The following CPNE4 variants were observed in gnomAD, a reference collection of about 807,000 sequenced individuals.
CPNE4 encodes the protein copine-4.
A neutral mutation model predicts 67.9 loss-of-function variants in CPNE4; 25 were observed. That is an observed-to-expected ratio of 0.37 (90% CI 0.27 to 0.51). CPNE4 has a LOEUF of 0.51. Among genes scored for constraint, CPNE4 ranks in the 20% least tolerant of loss-of-function variants. CPNE4 has a pLI of 0.93. For synonymous variants in CPNE4, 242 were observed against 244.9 expected (o/e 0.99, Z 0.11); for missense variants, 464 against 690.8 (o/e 0.67, Z 3.68).
chr3:131,930,001 C>T (rs934509359), intron 1 of CPNE4, among the ~76,000 whole-genome samples: 4 of 152,120 alleles, frequency 2.6e-5, no homozygotes, highest in Non-Finnish European at 5.9e-5. Flanking sequence ...TACAAATGTA[C>T]TGTGGAGATT....
chr3:131,955,676 C>T (rs74978605), intron 1 of CPNE4, among the ~76,000 whole-genome samples: 4,803 of 152,020 alleles, frequency 0.032, 233 homozygotes, highest in African/African-American at 0.11. Flanking sequence ...CACTCCTGTC[C>T]CTCCGCAGTG....
chr3:131,542,556 C>T lies in CPNE4; in HGVS notation c.1539+1G>A, dbSNP rs1317096596. The T allele has an allele frequency of 3.1e-6, 5 of 1,608,022 alleles. No homozygotes were observed. Among genetic ancestry groups the T allele is most frequent in the East Asian group, 2.2e-5 (1 of 44,834 alleles). ...AAGTGCCCCAATGTGTATATGCATA[C>T]GTGTTTGAAGTTCCTGAAGGGCACG... On this transcript the variant is annotated splice_donor_variant, in intron 15 of 15. Coordinates refer to ENST00000429747, the MANE Select transcript of CPNE4 (RefSeq NM_130808.3). LOFTEE classifies it high-confidence loss of function.
chr3:131,554,348 T>C (rs1000334544), intron 12 of CPNE4, among the ~76,000 whole-genome samples: 2 of 152,152 alleles, frequency 1.3e-5, no homozygotes, highest in African/African-American at 2.4e-5. Context: ...ATTTTATATA[T>C]GCAATTGCTG....
At chr3:131,783,785 C>T (rs79949178) in intron 2 of CPNE4, among the ~76,000 whole-genome samples, 5,157 of 152,072 alleles carry the variant, frequency 0.034, 315 homozygotes, top group African/African-American at 0.12. Context: ...TGATGGAAAG[C>T]AAGCTAATGT....
intron 1 of CPNE4, among the ~76,000 whole-genome samples, 167 bp downstream of exon 1, chr3:132,034,400 A>G (rs771808571): frequency 3.8e-4 from 58 of 152,184 alleles, no homozygotes; most frequent in Non-Finnish European, 7.1e-4. Flanking sequence ...CAGATTAAAG[A>G]CGTTGCTTGC....
chr3:131,709,648 CT>C (rs2081510117), intron 3 of CPNE4, among the ~76,000 whole-genome samples: 1 of 152,238 alleles, frequency 6.6e-6, no homozygotes, highest in African/African-American at 2.4e-5. Flanking sequence ...TCATGCCTCC[CT>C]CATTAGAAAA....
chr3:132,018,906 T>A (rs944887150), intron 1 of CPNE4, among the ~76,000 whole-genome samples: 3 of 152,220 alleles, frequency 2.0e-5, no homozygotes, highest in Admixed American at 1.3e-4. Flanking sequence ...GTGATTCGAT[T>A]GCTACAGAAT....
chr3:131,683,009 G>A (rs1008662891), intron 6 of CPNE4, among the ~76,000 whole-genome samples: 3 of 152,080 alleles, frequency 2.0e-5, no homozygotes, highest in Non-Finnish European at 1.5e-5. Context: ...AATGCTCCCA[G>A]GCATAGGACT....
chr3:131,981,147 C>T (rs1280049257), intron 1 of CPNE4, among the ~76,000 whole-genome samples: 1 of 152,046 alleles, frequency 6.6e-6, no homozygotes, highest in Admixed American at 6.6e-5. Flanking sequence ...TGGTTCAATG[C>T]TTTATTTTTG....
chr3:131,748,852 C>T (rs1442628219), intron 2 of CPNE4, among the ~76,000 whole-genome samples: 1 of 151,972 alleles, frequency 6.6e-6, no homozygotes, highest in Admixed American at 6.6e-5. Flanking sequence ...TGTCTTCTCT[C>T]TTTTTTTATT....
intron 2 of CPNE4, among the ~76,000 whole-genome samples, chr3:131,841,690 G>A (rs1429674211): frequency 1.3e-5 from 2 of 152,222 alleles, no homozygotes; most frequent in Admixed American, 6.5e-5. Context: ...TGCCAAAAAG[G>A]TTGGAGACAG....
intron 6 of CPNE4, among the ~76,000 whole-genome samples, chr3:131,683,805 G>A (rs2080817299): frequency 1.3e-5 from 2 of 152,162 alleles, no homozygotes; most frequent in South Asian, 4.1e-4. Flanking sequence ...AGCCTGCAGT[G>A]GCAAAGATTG....
At chr3:131,539,532 G>C (rs997892165) in intron 15 of CPNE4, among the ~76,000 whole-genome samples, 2 of 151,910 alleles carry the variant, frequency 1.3e-5, no homozygotes, top group Non-Finnish European at 2.9e-5. Context: ...CTTGAGGTGT[G>C]GATCCATGGT....
rs538476703 is a variant in CPNE4 at position 131,554,958 on chromosome 3, A to G, written c.1116+539T>C. On this transcript the variant is annotated intron_variant, in intron 12 of 15. Transcript: ENST00000429747. ...CAATCTTTGCCTTTTTTCTGTCATG[A>G]GAAATCATTATCAAAACCAAATAGG... Among the ~76,000 whole-genome samples, 631 of 152,240 alleles carry G rather than the reference A, an allele frequency of 4.1e-3. 5 individuals are homozygous for G. Among genetic ancestry groups the G allele is most frequent in the African/African-American group, 0.014 (590 of 41,578 alleles).
chr3:131,714,057 G>T (rs551772423), intron 3 of CPNE4, among the ~76,000 whole-genome samples: 3 of 152,264 alleles, frequency 2.0e-5, no homozygotes, highest in African/African-American at 7.2e-5. Flanking sequence ...GAAGGAGAAT[G>T]ACTTCCCTGC....
intron 1 of CPNE4, among the ~76,000 whole-genome samples, chr3:132,030,265 T>C (rs2074208927): frequency 6.6e-6 from 1 of 152,336 alleles, no homozygotes; most frequent in African/African-American, 2.4e-5. Context: ...AGTCTCCTGA[T>C]TTTGAGAAGT....
chr3:131,649,482 T>C (rs1368212315), intron 7 of CPNE4, among the ~76,000 whole-genome samples: 2 of 152,200 alleles, frequency 1.3e-5, no homozygotes, highest in African/African-American at 4.8e-5. Context: ...TGGCACACTA[T>C]AGGGCCAGTT....
chr3:131,590,957 A>G (rs1298122914), intron 7 of CPNE4, among the ~76,000 whole-genome samples: 4 of 152,204 alleles, frequency 2.6e-5, no homozygotes, highest in Admixed American at 2.6e-4. Context: ...TCATTTTTCA[A>G]TGAACAGTGG....
At chr3:131,841,905 A>G (rs1049183143) in intron 2 of CPNE4, among the ~76,000 whole-genome samples, 3 of 152,202 alleles carry the variant, frequency 2.0e-5, no homozygotes, top group African/African-American at 2.4e-5. Context: ...GGGAGGAAAT[A>G]AAAGTTCTGC....
Sources: gnomAD v4.1 joint callset for allele counts (sites outside exome capture counted in the v4.1 genomes callset) on GRCh38, gnomAD v4.1.1 for gene constraint, MANE v1.5 for transcripts, NCBI Gene and HGNC (gene_info 2026-07-23, HGNC 2026-07-21) for gene names.